F13A1: variants seen among roughly 807,000 people sequenced by gnomAD.
F13A1 encodes the protein FSF, A subunit.
F13A1 carries 47 observed loss-of-function variants against 80.1 expected under a neutral mutation model. That is an observed-to-expected ratio of 0.59 (90% confidence interval 0.46 to 0.75). F13A1 has a LOEUF of 0.75. Among genes scored for constraint, F13A1 ranks in the 30% least tolerant of loss-of-function variants. The pLI, the probability that F13A1 is intolerant of heterozygous loss-of-function variation, is 0.00. For missense variants in F13A1, 817 were observed against 930.4 expected, an observed-to-expected ratio of 0.88 and a Z score of 1.59; for synonymous variants, 349 against 344.9, an observed-to-expected ratio of 1.01 and a Z score of -0.13.
chr6:6,280,494 T>C (rs1287153232), intron 3 of F13A1, among the ~76,000 whole-genome samples: 2 of 152,218 alleles, frequency 1.3e-5, no homozygotes, highest in African/African-American at 4.8e-5. Flanking sequence ...TTGCTTACTA[T>C]AGATGTTCAT....
At chr6:6,224,524 C>T (rs1757248066) in intron 7 of F13A1, among the ~76,000 whole-genome samples, 162 bp downstream of exon 7, 1 of 152,108 alleles carries the variant, frequency 6.6e-6, no homozygotes, top group Non-Finnish European at 1.5e-5. Context: ...ATATTTGGCC[C>T]ACTACAATTT....
intron 3 of F13A1, among the ~76,000 whole-genome samples, chr6:6,271,249 G>A (rs1757916582): frequency 6.6e-6 from 1 of 152,200 alleles, no homozygotes; most frequent in African/African-American, 2.4e-5. Flanking sequence ...TTCAGTGACA[G>A]CACTGGGGAA....
intron 8 of F13A1, among the ~76,000 whole-genome samples, chr6:6,210,662 G>T (rs1397101899): frequency 6.6e-6 from 1 of 151,826 alleles, no homozygotes; most frequent in Non-Finnish European, 1.5e-5. Context: ...CTAAATTGCT[G>T]GGATTACAGG....
chr6:6,306,867 G>C (rs1758520148), intron 2 of F13A1, among the ~76,000 whole-genome samples: 1 of 152,222 alleles, frequency 6.6e-6, no homozygotes, highest in Non-Finnish European at 1.5e-5. Context: ...TCCTGTGCAG[G>C]ATGCCTGGTC....
chr6:6,163,508 T>C (rs909637212), intron 13 of F13A1, among the ~76,000 whole-genome samples: 3 of 152,156 alleles, frequency 2.0e-5, no homozygotes, highest in African/African-American at 7.2e-5. Context: ...CACCCTCCAA[T>C]AGGACCCTGT....
chr6:6,209,758 A>G (rs1761568333), intron 8 of F13A1, among the ~76,000 whole-genome samples: 1 of 152,244 alleles, frequency 6.6e-6, no homozygotes, highest in South Asian at 2.1e-4. Context: ...AAGGTCACAT[A>G]TTACATGACT....
At chr6:6,300,604 C>T (rs568886332) in intron 3 of F13A1, among the ~76,000 whole-genome samples, 13 of 152,224 alleles carry the variant, frequency 8.5e-5, no homozygotes, top group South Asian at 8.3e-4. Flanking sequence ...CTTCGGCTCG[C>T]GCACAGTGCA....
At chr6:6,169,322 C>T (rs1760731673) in intron 12 of F13A1, 1 of 153,680 alleles carries the variant, frequency 6.5e-6, no homozygotes, top group Non-Finnish European at 1.5e-5. Flanking sequence ...CCAGCAGCAC[C>T]ATCATCACCT....
At chr6:6,234,336 C>T (rs531791120) in intron 6 of F13A1, among the ~76,000 whole-genome samples, 35 of 152,130 alleles carry the variant, frequency 2.3e-4, no homozygotes, top group Admixed American at 9.2e-4. Context: ...ATCAAGCATT[C>T]AGCCCCCTTT....
intron 3 of F13A1, among the ~76,000 whole-genome samples, chr6:6,299,920 G>A (rs1758394640): frequency 6.8e-6 from 1 of 147,302 alleles, no homozygotes; most frequent in Admixed American, 6.6e-5. Context: ...TGTACAGATG[G>A]GTTTTTGGTG....
chr6:6,269,406 G>A (rs1757889607), intron 3 of F13A1, among the ~76,000 whole-genome samples: 1 of 151,816 alleles, frequency 6.6e-6, no homozygotes. Context: ...ACCTATCAAA[G>A]CCCAAATCTA....
rs565485848 is a variant in F13A1 at position 6,192,239 on chromosome 6, C to T, written c.1305+3558G>A. On this transcript the variant is annotated intron_variant, in intron 10 of 14. Transcript: ENST00000264870. ...CAGTTTTATTGTAAGGGTGGTGGAA[C>T]TCCACCAGAAGGGTTGGGGCAGGAG... 3.3e-5 allele frequency among the ~76,000 whole-genome samples: 5 copies of T among 152,300 alleles called. No homozygotes were observed. The South Asian group carries it at 1.0e-3, about 32-fold the overall frequency.
intron 3 of F13A1, among the ~76,000 whole-genome samples, chr6:6,272,154 T>C (rs183647205): frequency 3.1e-4 from 47 of 152,348 alleles, no homozygotes; most frequent in African/African-American, 9.9e-4. Context: ...AAGCCCTGCA[T>C]TGGTAGTGCC....
intron 6 of F13A1, among the ~76,000 whole-genome samples, chr6:6,233,864 T>C (rs1446785405): frequency 6.6e-6 from 1 of 152,092 alleles, no homozygotes; most frequent in African/African-American, 2.4e-5. Context: ...ATCATCTCAA[T>C]AGATTCAGAA....
At chr6:6,161,551 T>TGTGTGTGTGTGAGA (rs1010361754) in intron 13 of F13A1, among the ~76,000 whole-genome samples, 10 of 146,282 alleles carry the variant, frequency 6.8e-5, no homozygotes, top group African/African-American at 2.5e-4. Context: ...TGTGTGTGTG[T>TGTGTGTGTGTGAGA]GAGAGAGAGA....
At position 6,212,964 on chromosome 6, in the gene F13A1, A is replaced by C. The variant is rs544000444; in HGVS notation, c.1112+9069T>G. Among the ~76,000 whole-genome samples the C allele has an allele frequency of 2.0e-5, 3 of 152,196 alleles. No individual in the cohort carries two copies. The South Asian group carries it at 6.2e-4, about 32-fold the overall frequency. On this transcript the variant is annotated intron_variant, in intron 8 of 14. Transcript: ENST00000264870. ...ATGAAATGAATGAAATGAAGTGAGA[A>C]GGGAAGTTTAGAGAAAAAAGAATAA...
chr6:6,294,111 A>G (rs527997840), intron 3 of F13A1, among the ~76,000 whole-genome samples: 49 of 150,834 alleles, frequency 3.2e-4, no homozygotes, highest in Middle Eastern at 3.4e-3. Context: ...ACCTAAAAAA[A>G]AAGTTTTTTT....
chr6:6,236,959 G>C (rs1757421755), intron 6 of F13A1, among the ~76,000 whole-genome samples: 1 of 152,110 alleles, frequency 6.6e-6, no homozygotes, highest in Non-Finnish European at 1.5e-5. Flanking sequence ...GGTGGAAGTG[G>C]TGTGGTGGAT....
intron 3 of F13A1, among the ~76,000 whole-genome samples, chr6:6,302,231 C>A (rs1429039562): frequency 6.6e-6 from 1 of 152,132 alleles, no homozygotes; most frequent in Non-Finnish European, 1.5e-5. Flanking sequence ...ATAAAACTTC[C>A]CTCATAATTG....
Sources: allele counts gnomAD v4.1 joint callset (sites outside exome capture counted in the v4.1 genomes callset), GRCh38; gene constraint gnomAD v4.1.1; transcripts MANE v1.5; gene names NCBI Gene and HGNC (gene_info 2026-07-23, HGNC 2026-07-21).